TRANK1: variants seen among roughly 807,000 people sequenced by gnomAD.
The protein encoded by TRANK1 is TPR and ankyrin repeat-containing protein 1.
In TRANK1, 198 loss-of-function variants were observed where a neutral mutation model predicts 266.0. The ratio of observed to expected loss-of-function variants is 0.74; its 90% CI spans 0.66 to 0.84. The LOEUF is 0.84. TRANK1 is among the 40% of genes least tolerant of loss of function. The pLI, the probability that TRANK1 is intolerant of heterozygous loss-of-function variation, is 0.00. For missense variants in TRANK1, 3,326 were observed against 3,634.6 expected (o/e 0.92, Z 2.18); for synonymous variants, 1,396 against 1,384.1 (o/e 1.01, Z -0.19).
chr3:36,914,296 G>A (rs1403758892), intron 1 of TRANK1, among the ~76,000 whole-genome samples: 1 of 151,916 alleles, frequency 6.6e-6, no homozygotes, highest in African/African-American at 2.4e-5. Context: ...ACCATGCCAG[G>A]CTAATTTTTG....
intron 3 of TRANK1, among the ~76,000 whole-genome samples, chr3:36,902,331 C>A (rs1201333205): frequency 2.0e-5 from 3 of 152,198 alleles, no homozygotes; most frequent in Non-Finnish European, 4.4e-5. Context: ...GTCAAACCTC[C>A]ACCACTCCCT....
Position 36,856,940 on chromosome 3 carries a change from T to C in TRANK1, c.2782A>G (p.Met928Val). 1.3e-6 allele frequency: 2 copies of C among 1,590,976 alleles called. No individual in the cohort carries two copies. The highest frequency in any genetic ancestry group is 1.7e-6 in the Non-Finnish European group (2 of 1,169,788). The change falls in exon 13 of 24, where the codon ATG becomes GTG. Residue 928 changes from methionine (M) to valine (V), a missense_variant. Coordinates refer to ENST00000645898, the MANE Select transcript of TRANK1 (RefSeq NM_001329998.2). ...IIATEQNTCA[M>V]EKSGRIYTEI... ...GTGTAGATCCGCCCTGATTTCTCCA[T>C]TGCACACGTGTTCTGCTCCGTGGCA... is the stretch of plus-strand genomic sequence containing the variant.
chr3:36,842,870 G>A (rs940259840), intron 17 of TRANK1, among the ~76,000 whole-genome samples, 160 bp from the exon 18 acceptor site: 2 of 152,198 alleles, frequency 1.3e-5, no homozygotes, highest in African/African-American at 4.8e-5. Context: ...GAGAGAGATA[G>A]GGCCTTTACA....
intron 8 of TRANK1, among the ~76,000 whole-genome samples, chr3:36,882,306 C>T (rs990954601): frequency 1.3e-5 from 2 of 152,044 alleles, no homozygotes; most frequent in Non-Finnish European, 2.9e-5. Flanking sequence ...AATTTTTAAA[C>T]TGGTTTTTAG....
Position 36,832,261 on chromosome 3 carries a change from C to T in TRANK1, c.7322G>A (p.Cys2441Tyr). The T allele has an allele frequency of 6.2e-7, 1 of 1,613,968 alleles. No individual in the cohort carries two copies. The highest frequency in any genetic ancestry group is 8.5e-7 in the Non-Finnish European group (1 of 1,179,890). Residue 2441 changes from cysteine (C) to tyrosine (Y), a missense_variant, in exon 22 of 24, where the codon TGC (cysteine) becomes TAC (tyrosine). Physicochemically the swap from Cys to Tyr is radical, Grantham distance 194 (BLOSUM62 -2). Coordinates refer to ENST00000645898, the MANE Select transcript of TRANK1 (RefSeq NM_001329998.2). ...AATGCTGGGGATGAGTGGTTCTTTG[C>T]ACCTCTTGATGAGGACATTCATGAA... ...FRFMNVLIKR[C>Y]KEPLIPSIGN...
rs763175981 is a variant in TRANK1, at chr3:36,831,358, G to T, written c.8225C>A (p.Thr2742Asn). The change falls in exon 22 of 24, where the codon ACC (threonine) becomes AAC (asparagine). Residue 2742 changes from threonine (T) to asparagine (N), a missense_variant. Thr to Asn is a moderately conservative substitution (Grantham distance 65). Transcript: ENST00000645898. This position sits in a 1 kb window ranked among gnomAD's most constrained non-coding sequence, Gnocchi z 5.0. The part of the protein sequence containing the change: ...LCISWRRRVG[T>N]QMERVREEAR... Reference sequence around the variant, plus strand: ...CTCCTCCCTGACACGCTCCATCTGGGTGCCCACTCTTCTCCTCCAACTGAT... The same window carrying T: ...CTCCTCCCTGACACGCTCCATCTGGTTGCCCACTCTTCTCCTCCAACTGAT... The T allele has an allele frequency of 2.5e-6, 4 of 1,613,254 alleles. No individual in the cohort carries two copies. In the African/African-American group the frequency reaches 5.3e-5, roughly 22 times the overall value.
intron 20 of TRANK1, among the ~76,000 whole-genome samples, chr3:36,835,539 G>A (rs888408665): frequency 1.5e-4 from 23 of 152,114 alleles, no homozygotes; most frequent in African/African-American, 3.4e-4. Context: ...GAGTCTTCAC[G>A]TAACTTCCAA....
chr3:36,929,194 G>A (rs1375155606), intron 1 of TRANK1: 1 of 149,826 alleles, frequency 6.7e-6, no homozygotes, highest in Non-Finnish European at 1.5e-5. Flanking sequence ...GCCCAGGTTG[G>A]AGAGCAGTGG....
intron 14 of TRANK1, 126 bp from the exon 15 acceptor site, chr3:36,851,982 A>G: frequency 7.1e-7 from 1 of 1,414,748 alleles, no homozygotes; most frequent in Non-Finnish European, 9.4e-7. Flanking sequence ...CAGGCAGGCC[A>G]GGGGAAAGAT....
At chr3:36,881,646 T>A (rs928033655) in intron 8 of TRANK1, among the ~76,000 whole-genome samples, 1 of 152,130 alleles carries the variant, frequency 6.6e-6, no homozygotes, top group Admixed American at 6.6e-5. Context: ...CTATATAATT[T>A]AATTAGTTTT....
At chr3:36,879,093 C>A (rs886171948) in intron 8 of TRANK1, among the ~76,000 whole-genome samples, 5 of 151,654 alleles carry the variant, frequency 3.3e-5, no homozygotes, top group African/African-American at 1.2e-4. Context: ...TCTTACATTG[C>A]TCAGAATGAT....
Position 36,833,828 on chromosome 3 carries a change from G to C in TRANK1, c.5755C>G (p.Leu1919Val). The change falls in exon 22 of 24, where the codon CTG becomes GTG. Residue 1919 changes from leucine to valine, a missense_variant. Coordinates refer to ENST00000645898, the MANE Select transcript of TRANK1 (RefSeq NM_001329998.2). Reference sequence around the variant, plus strand: ...ATTTCCTTCATCTTATTTGCACTCAGATACTTTGCTGCAGCTTCCAAGTAA... The same window carrying C: ...ATTTCCTTCATCTTATTTGCACTCACATACTTTGCTGCAGCTTCCAAGTAA... Reference protein sequence around the residue: ...QFYLEAAAKYLSANKMKEMMA... With the variant: ...QFYLEAAAKYVSANKMKEMMA... 2.5e-6 allele frequency: 4 copies of C among 1,613,994 alleles called. No individual in the cohort carries two copies. The highest frequency in any genetic ancestry group is 3.4e-6 in the Non-Finnish European group (4 of 1,179,902).
At chr3:36,914,050 A>T (rs535217802) in intron 1 of TRANK1, among the ~76,000 whole-genome samples, 4 of 152,194 alleles carry the variant, frequency 2.6e-5, no homozygotes, top group Non-Finnish European at 5.9e-5. Flanking sequence ...CCTAAAAGTC[A>T]TTCTCACAGC....
chr3:36,887,765 T>C (rs576273270), intron 8 of TRANK1, among the ~76,000 whole-genome samples: 12 of 152,356 alleles, frequency 7.9e-5, no homozygotes, highest in African/African-American at 2.9e-4. Flanking sequence ...AATTCTGAGC[T>C]TCTGTCTTGA....
chr3:36,892,097 G>A (rs117782887), intron 7 of TRANK1, 105 bp downstream of exon 7: 12 of 1,260,872 alleles, frequency 9.5e-6, no homozygotes, highest in African/African-American at 1.5e-5. Flanking sequence ...TATTCAAATG[G>A]TCTGCATTCA....
Position 36,856,111 on chromosome 3 carries a change from T to A in TRANK1, c.3611A>T (p.Glu1204Val). The A allele has an allele frequency of 6.2e-7, 1 of 1,613,840 alleles. No homozygotes were observed. Among genetic ancestry groups the A allele is most frequent in the South Asian group, 1.1e-5 (1 of 91,082 alleles). The change falls in exon 13 of 24, where the codon GAG becomes GTG. Residue 1204 changes from glutamate (E) to valine (V), a missense_variant. Coordinates refer to ENST00000645898, the MANE Select transcript of TRANK1 (RefSeq NM_001329998.2). ...AAGCTCAATGAAATTCCTTTGTACC[T>A]CCTGGCACAGCACATGGTTCTTGGT... ...FVTKNHVLCQ[E>V]VQRNFIELSK...
chr3:36,883,541 A>G (rs1324038731), intron 8 of TRANK1, among the ~76,000 whole-genome samples: 1 of 152,058 alleles, frequency 6.6e-6, no homozygotes, highest in African/African-American at 2.4e-5. Context: ...ATGCAAAAAA[A>G]AAAAAGGGAG....
chr3:36,905,302 A>G (rs926051683), intron 2 of TRANK1, among the ~76,000 whole-genome samples: 32 of 152,086 alleles, frequency 2.1e-4, no homozygotes, highest in African/African-American at 7.7e-4. Context: ...AAAAAAAAAA[A>G]AAAAATCCCT....
intron 9 of TRANK1, among the ~76,000 whole-genome samples, chr3:36,865,428 G>C (rs1480445668): frequency 6.6e-6 from 1 of 152,206 alleles, no homozygotes; most frequent in Non-Finnish European, 1.5e-5. Context: ...GGCTTAGCAC[G>C]ATGGCAACAT....
Sources: gnomAD v4.1 joint callset for allele counts (sites outside exome capture counted in the v4.1 genomes callset) on GRCh38, gnomAD v4.1.1 for gene constraint, Gnocchi (gnomAD v3.1) non-coding constraint, MANE v1.5 for transcripts, NCBI Gene and HGNC (gene_info 2026-07-23, HGNC 2026-07-21) for gene names.